The following MUSK variants were observed in gnomAD, a reference collection of about 807,000 sequenced individuals.
MUSK encodes the protein muscle, skeletal receptor tyrosine-protein kinase.
Under a neutral mutation model 88.7 loss-of-function variants are expected in MUSK, and 55 were observed. The ratio of observed to expected loss-of-function variants is 0.62; its 90% CI spans 0.50 to 0.78. The LOEUF (loss-of-function observed/expected upper bound fraction) is 0.78. Among genes scored for constraint, MUSK ranks in the 30% least tolerant of loss-of-function variants. MUSK has a pLI of 0.00. For synonymous variants in MUSK, 387 were observed against 391.9 expected (o/e 0.99, Z 0.15); for missense variants, 1,015 against 1,074.3 (o/e 0.94, Z 0.77).
chr9:110,693,764 A>C (rs750227491), intron 3 of MUSK, among the ~76,000 whole-genome samples: 8 of 152,190 alleles, frequency 5.3e-5, no homozygotes, highest in Non-Finnish European at 1.2e-4. Flanking sequence ...TACCTAAGAC[A>C]TTATCTGTGC....
At chr9:110,754,671 T>C (rs1018936238) in intron 7 of MUSK, among the ~76,000 whole-genome samples, 1 of 152,256 alleles carries the variant, frequency 6.6e-6, no homozygotes, top group African/African-American at 2.4e-5. Flanking sequence ...ATCTTCCTGC[T>C]CAGCTGCTAT....
intron 3 of MUSK, among the ~76,000 whole-genome samples, chr9:110,693,053 T>C (rs956675657): frequency 3.3e-5 from 5 of 152,206 alleles, no homozygotes; most frequent in African/African-American, 1.2e-4. Context: ...TCTGCCTATA[T>C]GCAGGCTTCC....
intron 3 of MUSK, among the ~76,000 whole-genome samples, chr9:110,694,215 C>G (rs369618515): frequency 1.4e-5 from 1 of 72,108 alleles, no homozygotes; most frequent in Admixed American, 1.9e-4. Flanking sequence ...ACTAAAAATA[C>G]AAAAAAAAAA....
chr9:110,758,120 C>T (rs760091148), intron 7 of MUSK, among the ~76,000 whole-genome samples: 54 of 151,976 alleles, frequency 3.6e-4, no homozygotes, highest in Non-Finnish European at 6.5e-4. Flanking sequence ...TGTGCCATAA[C>T]GCCCAGCTAA....
At chr9:110,767,361 T>C (rs907702898) in intron 8 of MUSK, among the ~76,000 whole-genome samples, 16 of 152,212 alleles carry the variant, frequency 1.1e-4, no homozygotes, top group African/African-American at 3.6e-4. Flanking sequence ...AAAATTAAGG[T>C]AAACTATCAT....
chr9:110,803,239 A>G lies in MUSK; in HGVS notation c.*2251A>G, dbSNP rs1453074190. The stretch of plus-strand genomic sequence containing the variant: ...ACCATGTGTATTCTGAGGCCTTTAA[A>G]TATATGAACTTAAACCTCACAACAT... On this transcript the variant is annotated 3_prime_UTR_variant, in exon 15 of 15. Transcript: ENST00000374448. Among the ~76,000 whole-genome samples, 4 of 152,242 alleles carry G rather than the reference A, an allele frequency of 2.6e-5. No individual in the cohort carries two copies. Among genetic ancestry groups the G allele is most frequent in the Non-Finnish European group, 5.9e-5 (4 of 68,044 alleles).
chr9:110,787,546 G>A (rs934751109), intron 13 of MUSK, 144 bp from the exon 14 acceptor site: 28 of 670,042 alleles, frequency 4.2e-5, no homozygotes, highest in Non-Finnish European at 5.9e-5. Flanking sequence ...GTCTTTCTTT[G>A]ATTCTGTGGC....
At chr9:110,708,827 C>T (rs1274637397) in intron 5 of MUSK, among the ~76,000 whole-genome samples, 1 of 152,000 alleles carries the variant, frequency 6.6e-6, no homozygotes, top group Non-Finnish European at 1.5e-5. Flanking sequence ...TCTTAAAGTG[C>T]AGTGTTAAAG....
intron 7 of MUSK, chr9:110,748,120 C>G (rs1587986911): frequency 4.7e-6 from 2 of 424,912 alleles, no homozygotes; most frequent in East Asian, 5.8e-5. Context: ...CTCCTTCCCT[C>G]CCTCGCTCCC....
At chr9:110,715,826 A>T (rs2076735843) in intron 5 of MUSK, among the ~76,000 whole-genome samples, 2 of 149,266 alleles carry the variant, frequency 1.3e-5, no homozygotes, top group Admixed American at 1.3e-4. Flanking sequence ...TTGAAGGGAC[A>T]TAGATGGAGC....
intron 8 of MUSK, among the ~76,000 whole-genome samples, chr9:110,764,349 T>A (rs1222253169): frequency 6.6e-6 from 1 of 152,222 alleles, no homozygotes; most frequent in South Asian, 2.1e-4. Flanking sequence ...TATTTGCATT[T>A]ATCTCATTCC....
At chr9:110,790,162 A>G (rs1468620907) in intron 14 of MUSK, among the ~76,000 whole-genome samples, 1 of 152,224 alleles carries the variant, frequency 6.6e-6, no homozygotes. Flanking sequence ...TGAGCATGTC[A>G]TATGCATTAA....
At chr9:110,670,361 T>C (rs1278519581) in intron 1 of MUSK, among the ~76,000 whole-genome samples, 1 of 152,208 alleles carries the variant, frequency 6.6e-6, no homozygotes, top group African/African-American at 2.4e-5. Context: ...TTGTCTTAAG[T>C]ATTATTTGTA....
intron 1 of MUSK, among the ~76,000 whole-genome samples, chr9:110,675,293 C>T (rs112504289): frequency 7.6e-4 from 110 of 144,822 alleles, no homozygotes; most frequent in Admixed American, 1.6e-3. Flanking sequence ...GCGATCTCAG[C>T]TCATTACAAG....
intron 14 of MUSK, among the ~76,000 whole-genome samples, chr9:110,791,064 A>T (rs569252664): frequency 6.6e-6 from 1 of 152,134 alleles, no homozygotes; most frequent in South Asian, 2.1e-4. Context: ...AGGGATCATT[A>T]AAAGGGGGTA....
At chr9:110,704,919 A>C (rs1193911211) in intron 5 of MUSK, among the ~76,000 whole-genome samples, 1 of 150,840 alleles carries the variant, frequency 6.6e-6, no homozygotes, top group Non-Finnish European at 1.5e-5. Flanking sequence ...CAGGAGGCAG[A>C]GGTTGCAGTG....
At chr9:110,755,499 CCT>C (rs1467807583) in intron 7 of MUSK, among the ~76,000 whole-genome samples, 2 of 152,086 alleles carry the variant, frequency 1.3e-5, no homozygotes, top group African/African-American at 4.8e-5. Flanking sequence ...AGGAATTATG[CCT>C]TTTAGAATCT....
At chr9:110,749,605 C>A (rs560417798) in intron 7 of MUSK, among the ~76,000 whole-genome samples, 73 of 152,254 alleles carry the variant, frequency 4.8e-4, no homozygotes, top group Middle Eastern at 3.4e-3. Context: ...TAGATATATC[C>A]TCTAGCAAAT....
At chr9:110,687,096 A>C (rs761147453) in intron 2 of MUSK, 21 bp from the exon 3 acceptor site, 1 of 1,603,328 alleles carries the variant, frequency 6.2e-7, no homozygotes, top group South Asian at 1.1e-5. Context: ...CTAATCTGTC[A>C]TTTTTTTCTG....
Sources: gnomAD v4.1 joint callset for allele counts (sites outside exome capture counted in the v4.1 genomes callset) on GRCh38, gnomAD v4.1.1 for gene constraint, MANE v1.5 for transcripts, NCBI Gene and HGNC (gene_info 2026-07-23, HGNC 2026-07-21) for gene names.